The following CNTNAP3 variants were observed in gnomAD, a reference collection of about 807,000 sequenced individuals.
CNTNAP3 encodes contactin-associated protein-like 3.
A neutral mutation model predicts 92.1 loss-of-function variants in CNTNAP3; 36 were observed. The ratio of observed to expected loss-of-function variants is 0.39; its 90% CI spans 0.30 to 0.52. The LOEUF (loss-of-function observed/expected upper bound fraction) is 0.52, where lower values mean the gene tolerates loss of function less well. Ranked by LOEUF, CNTNAP3 falls within the 20% of genes least tolerant of loss-of-function variation. CNTNAP3 has a pLI of 0.76. For missense variants in CNTNAP3, 534 were observed against 1,069.6 expected, an observed-to-expected ratio of 0.50 and a Z score of 6.98; for synonymous variants, 232 against 422.3, an observed-to-expected ratio of 0.55 and a Z score of 5.53.
At chr9:39,106,859 C>A (rs1053870401) in intron 15 of CNTNAP3, among the ~76,000 whole-genome samples, 52 of 152,206 alleles carry the variant, frequency 3.4e-4, no homozygotes, top group Non-Finnish European at 6.2e-4. Flanking sequence ...TGCAGATATA[C>A]CCTCCATGCT....
chr9:39,121,756 T>A (rs1206850449), intron 13 of CNTNAP3, among the ~76,000 whole-genome samples: 3 of 147,664 alleles, frequency 2.0e-5, no homozygotes, highest in African/African-American at 4.9e-5. Flanking sequence ...GTTCTCAGAA[T>A]AAAGATAGGA....
Position 39,064,733 on chromosome 9 carries a change from T to A in CNTNAP3, c.*9157A>T, listed in dbSNP as rs1825474627. ...AACACTGTTTTTAACATTTATTACA[T>A]ACATAGAACATATAAGAATTTATAG... is the stretch of plus-strand genomic sequence containing the variant. On this transcript the variant is annotated 3_prime_UTR_variant, in exon 24 of 24. Transcript: ENST00000297668. Among the ~76,000 whole-genome samples, 1 of 152,310 alleles carries A rather than the reference T, an allele frequency of 6.6e-6. No homozygotes were observed. The highest frequency in any genetic ancestry group is 2.4e-5 in the African/African-American group (1 of 41,488).
At position 39,103,740 on chromosome 9, in the gene CNTNAP3, T is replaced by C. The variant is rs781716488; in HGVS notation, c.2536+4A>G. On this transcript the variant is annotated splice_donor_region_variant and intron_variant, in intron 16 of 23. Coordinates refer to ENST00000297668, the MANE Select transcript of CNTNAP3 (RefSeq NM_033655.5). The stretch of plus-strand genomic sequence containing the variant: ...CTGTGACTTGTCCAGAGTGGCGAGC[T>C]TACCACGCAGCTCAATCCTGATGAA... 179 of 1,609,480 alleles carry C rather than the reference T, an allele frequency of 1.1e-4. 1 individual carries two copies. Among genetic ancestry groups the C allele is most frequent in the East Asian group, 1.8e-4 (8 of 44,826 alleles).
chr9:39,090,085 G>A (rs1446815190), intron 18 of CNTNAP3, among the ~76,000 whole-genome samples: 2 of 151,644 alleles, frequency 1.3e-5, no homozygotes, highest in African/African-American at 4.8e-5. Context: ...GACTACAGGC[G>A]CCCGCCACTA....
At chr9:39,141,342 T>C (rs1381585782) in intron 11 of CNTNAP3, among the ~76,000 whole-genome samples, 1 of 152,188 alleles carries the variant, frequency 6.6e-6, no homozygotes, top group Non-Finnish European at 1.5e-5. Flanking sequence ...TTATACCCTT[T>C]GCTTCCTTTA....
rs1825512306 is a variant in CNTNAP3 at position 39,066,481 on chromosome 9, T to A, written c.*7409A>T. On this transcript the variant is annotated 3_prime_UTR_variant, in exon 24 of 24. Transcript: ENST00000297668. ...ATCCATGTTTCTATCTGCACAAAGA[T>A]ATTATTCTTTATTTTCCTTCTTCCT... Among the ~76,000 whole-genome samples, 1 of 152,202 alleles carries A rather than the reference T, an allele frequency of 6.6e-6. No individual in the cohort carries two copies. Among genetic ancestry groups the A allele is most frequent in the Non-Finnish European group, 1.5e-5 (1 of 68,032 alleles).
chr9:39,117,694 A>T (rs1468041895), intron 14 of CNTNAP3, among the ~76,000 whole-genome samples: 1 of 152,204 alleles, frequency 6.6e-6, no homozygotes, highest in East Asian at 1.9e-4. Context: ...TGTTAATGTT[A>T]ATTTCTAAAA....
chr9:39,119,761 G>A (rs1563884052), intron 13 of CNTNAP3, among the ~76,000 whole-genome samples: 2 of 152,072 alleles, frequency 1.3e-5, no homozygotes, highest in Admixed American at 6.6e-5. Context: ...GACAACCGAA[G>A]AGAATTCTGA....
In CNTNAP3 at chr9:39,073,199, A is replaced by T. The variant is rs1825667638; in HGVS notation, c.*691T>A. On this transcript the variant is annotated 3_prime_UTR_variant, in exon 24 of 24. Coordinates refer to ENST00000297668, the MANE Select transcript of CNTNAP3 (RefSeq NM_033655.5). ...TTCAACATTAAAATGTATCAAAATCATTAAAAACAGTCAATTAGAAAAAGC... is the reference window on the plus strand; with the variant it reads ...TTCAACATTAAAATGTATCAAAATCTTTAAAAACAGTCAATTAGAAAAAGC... 1 of 158,224 alleles carries T rather than the reference A, an allele frequency of 6.3e-6. No homozygotes were observed. Among genetic ancestry groups the T allele is most frequent in the Admixed American group, 6.0e-5 (1 of 16,774 alleles). The allele number at this position is 158,224 out of a possible 1,614,324, so 9.8% of individuals were successfully genotyped here. A position where few individuals can be genotyped will look rare whatever the true frequency, so the allele number is the denominator to read the frequency against.
chr9:39,168,209 G>C (rs1347847580), intron 8 of CNTNAP3, among the ~76,000 whole-genome samples: 1 of 143,982 alleles, frequency 6.9e-6, no homozygotes, highest in Non-Finnish European at 1.6e-5. Context: ...AGTAGAGATG[G>C]GGTTTCACCG....
At chr9:39,097,852 C>T (rs200676832) in intron 18 of CNTNAP3, among the ~76,000 whole-genome samples, 25,489 of 136,394 alleles carry the variant, frequency 0.19, 2,793 homozygotes, top group East Asian at 0.32. Flanking sequence ...CTTAGGACAT[C>T]TTCTAAAGAC....
chr9:39,124,263 A>G (rs1821105141), intron 13 of CNTNAP3, among the ~76,000 whole-genome samples: 1 of 152,198 alleles, frequency 6.6e-6, no homozygotes, highest in African/African-American at 2.4e-5. Flanking sequence ...GGCTACCACT[A>G]AAACAATGAC....
At chr9:39,150,863 AG>A (rs1253823963) in intron 9 of CNTNAP3, among the ~76,000 whole-genome samples, 1 of 124,472 alleles carries the variant, frequency 8.0e-6, no homozygotes, top group African/African-American at 3.2e-5. Context: ...TTGTGAAACA[AG>A]AACAGTACTT....
chr9:39,138,458 A>G (rs1821494807), intron 12 of CNTNAP3, among the ~76,000 whole-genome samples: 1 of 150,908 alleles, frequency 6.6e-6, no homozygotes, highest in Non-Finnish European at 1.5e-5. Context: ...AACAAAAAAC[A>G]AAACAAAACA....
rs531752071 is a variant in CNTNAP3, at chr9:39,126,956, A to T, written c.2080+5976T>A. Among the ~76,000 whole-genome samples the T allele has an allele frequency of 1.6e-4, 24 of 151,308 alleles. 1 individual carries two copies. The South Asian group carries it at 4.8e-3, about 30-fold the overall frequency. ...TCCACTTAAGAATAGCAGAATATAC[A>T]TTTTTTTTTCAAATGCCGATGAAAC... On this transcript the variant is annotated intron_variant, in intron 13 of 23. Transcript: ENST00000297668.
chr9:39,143,926 G>A lies in CNTNAP3; in HGVS notation c.1756+314C>T, dbSNP rs568449842. On this transcript the variant is annotated intron_variant, in intron 11 of 23. Coordinates refer to ENST00000297668, the MANE Select transcript of CNTNAP3 (RefSeq NM_033655.5). ...AAAGTATGGTCCAACTCAAGTAATG[G>A]AACAAGCTGTTACATCATGCATTTT... 3.9e-5 allele frequency among the ~76,000 whole-genome samples: 6 copies of A among 152,234 alleles called. No individual in the cohort carries two copies. The South Asian group carries it at 1.2e-3, about 32-fold the overall frequency.
chr9:39,095,987 T>G (rs1826316944), intron 18 of CNTNAP3, among the ~76,000 whole-genome samples: 1 of 151,782 alleles, frequency 6.6e-6, no homozygotes, highest in Non-Finnish European at 1.5e-5. Context: ...ATTTACCATT[T>G]CTAGTTCTCT....
At chr9:39,092,831 C>T (rs1442144674) in intron 18 of CNTNAP3, among the ~76,000 whole-genome samples, 2 of 139,656 alleles carry the variant, frequency 1.4e-5, no homozygotes, top group African/African-American at 5.2e-5. Context: ...GGTTTTATTC[C>T]TAGTTTTTCT....
At position 39,073,149 on chromosome 9, in the gene CNTNAP3, T is replaced by C. The variant is rs1283932707; in HGVS notation, c.*741A>G. 6.5e-6 allele frequency: 1 copy of C among 154,992 alleles called. No individual in the cohort carries two copies. Among genetic ancestry groups the C allele is most frequent in the Non-Finnish European group, 1.4e-5 (1 of 69,482 alleles). The allele number at this position is 154,992 out of a possible 1,614,324, so 9.6% of individuals were successfully genotyped here. A position where few individuals can be genotyped will look rare whatever the true frequency, so the allele number is the denominator to read the frequency against. ...CCATTATAAAATTCAATACTAAAAT[T>C]TCATAGCTAACATTCAATATTAATT... On this transcript the variant is annotated 3_prime_UTR_variant, in exon 24 of 24. Transcript: ENST00000297668.
Sources: allele counts gnomAD v4.1 joint callset (sites outside exome capture counted in the v4.1 genomes callset), GRCh38; gene constraint gnomAD v4.1.1; transcripts MANE v1.5; gene names NCBI Gene and HGNC (gene_info 2026-07-23, HGNC 2026-07-21).